Variants in RNASE10 observed in about 807,000 individuals in gnomAD.
RNASE10 encodes the protein inactive ribonuclease-like protein 10.
RNASE10 carries 2 observed loss-of-function variants against 1.1 expected under a neutral mutation model. The observed-to-expected ratio is 1.82, with a 90% CI of 0.74 to 5.73. The LOEUF (loss-of-function observed/expected upper bound fraction) is 5.73, where lower values mean the gene tolerates loss of function less well. Among genes scored for constraint, RNASE10 ranks in the 30% most tolerant of loss-of-function variants. RNASE10 has a pLI of 0.05. For missense variants in RNASE10, 276 were observed against 263.4 expected (o/e 1.05, Z -0.33); for synonymous variants, 97 against 96.2 (o/e 1.01, Z -0.05).
intron 1 of RNASE10, among the ~76,000 whole-genome samples, chr14:20,507,571 C>T (rs934609557): frequency 2.2e-5 from 3 of 138,284 alleles, no homozygotes; most frequent in Non-Finnish European, 4.7e-5. Context: ...TATGACCCTG[C>T]CAAATCCCCC....
intron 1 of RNASE10, among the ~76,000 whole-genome samples, chr14:20,507,992 C>T (rs1882794200): frequency 6.6e-6 from 1 of 152,126 alleles, no homozygotes; most frequent in African/African-American, 2.4e-5. Flanking sequence ...TCAAGTGATC[C>T]ACCTGCCTCG....
At chr14:20,510,712 C>T (rs748070475) in exon 2 of RNASE10, 1 of 1,614,186 alleles carries the variant, frequency 6.2e-7, no homozygotes, top group Non-Finnish European at 8.5e-7. Flanking sequence ...ACCTGGCTGG[C>T]CAGAAGATCC....
downstream of RNASE10, among the ~76,000 whole-genome samples, chr14:20,511,960 T>C (rs1204944993): frequency 6.6e-6 from 1 of 152,050 alleles, no homozygotes; most frequent in Non-Finnish European, 1.5e-5. Flanking sequence ...GTTGGTCCTA[T>C]AGTCAGTCAT....
chr14:20,507,099 C>G (rs1179614638), intron 1 of RNASE10, among the ~76,000 whole-genome samples: 1 of 150,110 alleles, frequency 6.7e-6, no homozygotes, highest in Non-Finnish European at 1.5e-5. Context: ...GGCCAGGACC[C>G]CGTCTGGGAG....
exon 2 of RNASE10, chr14:20,510,594 C>G: frequency 6.2e-7 from 1 of 1,614,126 alleles, no homozygotes; most frequent in Non-Finnish European, 8.5e-7. Context: ...ATCAACCGCT[C>G]AATGAATTTT....
intron 1 of RNASE10, among the ~76,000 whole-genome samples, chr14:20,509,747 A>G (rs1882847219): frequency 6.6e-6 from 1 of 152,106 alleles, no homozygotes; most frequent in South Asian, 2.1e-4. Flanking sequence ...TTTCTACAAG[A>G]ATTTCCCTAA....
chr14:20,512,017 G>A (rs1882910723), downstream of RNASE10, among the ~76,000 whole-genome samples: 1 of 152,096 alleles, frequency 6.6e-6, no homozygotes, highest in Non-Finnish European at 1.5e-5. Context: ...CAGGGAGTTA[G>A]AGGGGGGTGG....
exon 2 of RNASE10, chr14:20,510,516 G>T (rs1326902277): frequency 1.2e-6 from 2 of 1,613,702 alleles, no homozygotes; most frequent in African/African-American, 2.7e-5. Context: ...TGCTGATGCT[G>T]CTGCTGGGCC....
downstream of RNASE10, among the ~76,000 whole-genome samples, chr14:20,512,634 C>A (rs1215192371): frequency 6.6e-6 from 1 of 152,230 alleles, no homozygotes; most frequent in Non-Finnish European, 1.5e-5. Flanking sequence ...TCCTCCTAGA[C>A]GTCCCTGATT....
chr14:20,504,436 C>T (rs182127535), upstream of RNASE10, among the ~76,000 whole-genome samples: 7 of 152,198 alleles, frequency 4.6e-5, no homozygotes, highest in East Asian at 5.8e-4. Context: ...AATAAATTTT[C>T]GAGCACTTTG....
At chr14:20,511,067 A>G (rs1050095461) in exon 2 of RNASE10, 13 of 1,524,944 alleles carry the variant, frequency 8.5e-6, no homozygotes, top group Non-Finnish European at 1.1e-5. Flanking sequence ...GTTATAAAAA[A>G]GCACATTATT....
chr14:20,506,442 G>A (rs867702142), intron 1 of RNASE10, among the ~76,000 whole-genome samples: 4,811 of 124,402 alleles, frequency 0.039, 26 homozygotes, highest in Non-Finnish European at 0.045. Flanking sequence ...AGGGGGGAGG[G>A]GGGGTCAGCC....
chr14:20,506,341 C>A (rs1375669601), intron 1 of RNASE10, among the ~76,000 whole-genome samples: 2 of 127,652 alleles, frequency 1.6e-5, no homozygotes, highest in Non-Finnish European at 3.4e-5. Flanking sequence ...CCCGGCCAGC[C>A]GCCCAGTCCG....
downstream of RNASE10, among the ~76,000 whole-genome samples, chr14:20,512,141 G>A (rs1882913596): frequency 6.6e-6 from 1 of 152,208 alleles, no homozygotes; most frequent in Non-Finnish European, 1.5e-5. Context: ...GTGCCCAGTA[G>A]ATGTGGGATG....
chr14:20,513,214 T>C (rs1010432591), downstream of RNASE10, among the ~76,000 whole-genome samples: 4 of 150,290 alleles, frequency 2.7e-5, no homozygotes, highest in African/African-American at 1.0e-4. Flanking sequence ...TTTTGTTTTG[T>C]TTTGTTTTGT....
intron 1 of RNASE10, among the ~76,000 whole-genome samples, chr14:20,508,550 T>A (rs1027305888): frequency 3.3e-5 from 5 of 152,114 alleles, no homozygotes; most frequent in African/African-American, 7.2e-5. Flanking sequence ...ACCCTTATTT[T>A]ACCTAGTAAT....
chr14:20,504,973 C>T (rs547623652), upstream of RNASE10, among the ~76,000 whole-genome samples: 1 of 152,044 alleles, frequency 6.6e-6, no homozygotes, highest in Admixed American at 6.6e-5. Flanking sequence ...GTGTATCCAG[C>T]GAATACAACA....
chr14:20,507,470 A>T (rs1882775174), intron 1 of RNASE10, among the ~76,000 whole-genome samples: 1 of 136,236 alleles, frequency 7.3e-6, no homozygotes, highest in Admixed American at 7.4e-5. Flanking sequence ...AGGGACACAA[A>T]CACTGCGGAA....
In RNASE10 at chr14:20,507,430, G is replaced by A. The variant is rs374376955; in HGVS notation, c.79+1411G>A. On this transcript the variant is annotated intron_variant, in intron 1 of 1. Transcript: ENST00000430083. ...CTTGAAGGCAGCATGCTCGTTAAGA[G>A]TCATCACCACTCCCTAATCTTAAGT... Among the ~76,000 whole-genome samples, 388 of 133,848 alleles carry A rather than the reference G, an allele frequency of 2.9e-3. 1 individual carries two copies. Among genetic ancestry groups the A allele is most frequent in the Non-Finnish European group, 4.4e-3 (279 of 63,712 alleles). The allele number at this position is 133,848 out of a possible 152,430, so 87.8% of individuals were successfully genotyped here. A position where few individuals can be genotyped will look rare whatever the true frequency, so the allele number is the denominator to read the frequency against.
Sources: gnomAD v4.1 joint callset for allele counts (sites outside exome capture counted in the v4.1 genomes callset) on GRCh38, gnomAD v4.1.1 for gene constraint, MANE v1.5 for transcripts, NCBI Gene and HGNC (gene_info 2026-07-23, HGNC 2026-07-21) for gene names.